LRP1B: variants seen among roughly 807,000 people sequenced by gnomAD.
LRP1B encodes the protein low-density lipoprotein receptor-related protein 1B.
In LRP1B, 217 loss-of-function variants were observed where a neutral mutation model predicts 556.6. That is an observed-to-expected ratio of 0.39 (90% CI 0.35 to 0.44). LRP1B has a LOEUF of 0.44. Among genes scored for constraint, LRP1B ranks in the 20% least tolerant of loss-of-function variants. The pLI, the probability that LRP1B is intolerant of heterozygous loss-of-function variation, is 1.00. For synonymous variants in LRP1B, 2,047 were observed against 1,865.8 expected (o/e 1.10, Z -2.50); for missense variants, 5,053 against 5,620.8 (o/e 0.90, Z 3.23).
intron 1 of LRP1B, among the ~76,000 whole-genome samples, chr2:142,010,208 T>G (rs1702913562): frequency 6.6e-6 from 1 of 152,016 alleles, no homozygotes; most frequent in Non-Finnish European, 1.5e-5. Context: ...CATGCCACAC[T>G]GCACAGGAAA....
At chr2:140,646,788 A>G (rs148891206) in intron 41 of LRP1B, among the ~76,000 whole-genome samples, 2,665 of 152,224 alleles carry the variant, frequency 0.018, 42 homozygotes, top group Admixed American at 0.046. Context: ...ATATAAATGT[A>G]TATGAGCAAA....
At chr2:141,253,621 C>T (rs985994086) in intron 4 of LRP1B, among the ~76,000 whole-genome samples, 5 of 151,920 alleles carry the variant, frequency 3.3e-5, no homozygotes, top group African/African-American at 9.7e-5. Context: ...AGATTTTAAA[C>T]AATTATCTCA....
At chr2:141,012,160 C>T (rs1697772566) in intron 14 of LRP1B, among the ~76,000 whole-genome samples, 3 of 151,978 alleles carry the variant, frequency 2.0e-5, no homozygotes, top group South Asian at 2.1e-4. Flanking sequence ...TCACTACACA[C>T]GTTGCATTTA....
intron 1 of LRP1B, among the ~76,000 whole-genome samples, chr2:142,023,877 T>C (rs565772626): frequency 6.6e-6 from 1 of 152,322 alleles, no homozygotes; most frequent in East Asian, 1.9e-4. Context: ...ATCAGATATA[T>C]TTACCCACTT....
chr2:141,706,280 T>A (rs2164700), intron 2 of LRP1B, among the ~76,000 whole-genome samples: 53,540 of 151,940 alleles, frequency 0.35, 10,093 homozygotes, highest in East Asian at 0.59. Context: ...GCCTTTTGAT[T>A]GGATTGTCTT....
At chr2:141,342,133 A>T (rs1398138665) in intron 3 of LRP1B, among the ~76,000 whole-genome samples, 1 of 151,192 alleles carries the variant, frequency 6.6e-6, no homozygotes. Context: ...AGTCCTAGCT[A>T]CTTGGGAGGC....
chr2:141,629,237 G>T (rs1487367807), intron 2 of LRP1B, among the ~76,000 whole-genome samples: 2 of 152,042 alleles, frequency 1.3e-5, no homozygotes, highest in Non-Finnish European at 2.9e-5. Flanking sequence ...ATTTCTAAAG[G>T]GGAAAAAGAA....
At chr2:142,071,795 T>C (rs543767786) in intron 1 of LRP1B, among the ~76,000 whole-genome samples, 9 of 152,066 alleles carry the variant, frequency 5.9e-5, no homozygotes, top group Admixed American at 5.9e-4. Context: ...AGGGCTATGA[T>C]CACTGGGTAC....
chr2:141,665,754 G>C (rs1454093865), intron 2 of LRP1B, among the ~76,000 whole-genome samples: 5 of 152,142 alleles, frequency 3.3e-5, no homozygotes, highest in African/African-American at 1.2e-4. Context: ...ACATAAAAAG[G>C]AATGAGATCA....
chr2:141,163,760 C>G (rs1028489547), intron 7 of LRP1B, among the ~76,000 whole-genome samples: 3 of 152,024 alleles, frequency 2.0e-5, no homozygotes, highest in African/African-American at 7.2e-5. Flanking sequence ...GCCTCCCCAG[C>G]CATGTGAACT....
At chr2:141,838,928 A>C (rs1697377857) in intron 1 of LRP1B, among the ~76,000 whole-genome samples, 1 of 152,184 alleles carries the variant, frequency 6.6e-6, no homozygotes, top group African/African-American at 2.4e-5. Flanking sequence ...AAGCTGAGTA[A>C]CCTGGCCAGC....
chr2:141,202,161 G>A (rs760450626), intron 6 of LRP1B, among the ~76,000 whole-genome samples: 26 of 150,020 alleles, frequency 1.7e-4, no homozygotes, highest in Non-Finnish European at 2.1e-4. Context: ...CACCTCATGC[G>A]TCCATGTGTT....
At chr2:141,094,314 T>G (rs1037639994) in intron 7 of LRP1B, among the ~76,000 whole-genome samples, 1 of 152,188 alleles carries the variant, frequency 6.6e-6, no homozygotes. Flanking sequence ...AACCTTAAAA[T>G]TTGAAAACAA....
chr2:140,263,319 G>A (rs939277428), intron 86 of LRP1B, among the ~76,000 whole-genome samples: 3 of 152,004 alleles, frequency 2.0e-5, no homozygotes, highest in African/African-American at 7.3e-5. Context: ...ATTTTGCCCT[G>A]TCTCTGACCC....
intron 3 of LRP1B, 140 bp from the exon 4 acceptor site, chr2:141,254,781 A>G: frequency 1.8e-6 from 1 of 561,386 alleles, no homozygotes. Flanking sequence ...AAAAATATTT[A>G]CCTAAAATAT....
intron 89 of LRP1B, among the ~76,000 whole-genome samples, chr2:140,237,218 C>A (rs1680749228): frequency 6.6e-6 from 1 of 150,876 alleles, no homozygotes; most frequent in African/African-American, 2.4e-5. Context: ...CTCTCTACTT[C>A]AATATTAACT....
chr2:140,781,422 A>G (rs989931649), intron 32 of LRP1B, among the ~76,000 whole-genome samples: 2 of 152,256 alleles, frequency 1.3e-5, no homozygotes, highest in African/African-American at 4.8e-5. Flanking sequence ...AATCAAATTT[A>G]TTCCACCTAC....
chr2:141,019,754 A>G (rs1317663384), intron 12 of LRP1B, among the ~76,000 whole-genome samples, 168 bp downstream of exon 12: 2 of 152,088 alleles, frequency 1.3e-5, no homozygotes, highest in Admixed American at 6.6e-5. Flanking sequence ...TCTTTAGTAC[A>G]TTCTCTAGTA....
At chr2:140,318,948 T>G (rs1402312625) in intron 82 of LRP1B, among the ~76,000 whole-genome samples, 31 of 152,140 alleles carry the variant, frequency 2.0e-4, no homozygotes, top group Admixed American at 2.0e-3. Context: ...GGTAGTAATA[T>G]TAGTAGTATT....
Sources: gnomAD v4.1 joint callset for allele counts (sites outside exome capture counted in the v4.1 genomes callset) on GRCh38, gnomAD v4.1.1 for gene constraint, MANE v1.5 for transcripts, NCBI Gene and HGNC (gene_info 2026-07-23, HGNC 2026-07-21) for gene names.